NDST3: variants seen among roughly 807,000 people sequenced by gnomAD.
NDST3 encodes bifunctional heparan sulfate N-deacetylase/N-sulfotransferase 3.
In NDST3, 58 loss-of-function variants were observed where a neutral mutation model predicts 96.1. The observed-to-expected ratio is 0.60, with a 90% CI of 0.49 to 0.75. The LOEUF is 0.75. NDST3 is among the 30% of genes least tolerant of loss of function. The pLI is 0.00. For missense variants in NDST3, 788 were observed against 1,034.2 expected, an observed-to-expected ratio of 0.76 and a Z score of 3.27; for synonymous variants, 333 against 359.7, an observed-to-expected ratio of 0.93 and a Z score of 0.84.
intron 6 of NDST3, among the ~76,000 whole-genome samples, chr4:118,223,103 G>A (rs557823844): frequency 1.3e-5 from 2 of 151,952 alleles, no homozygotes; most frequent in East Asian, 1.9e-4. Flanking sequence ...GTGACCAGAA[G>A]TATCATTTTT....
At chr4:118,193,490 G>A in intron 6 of NDST3, 2 of 845,818 alleles carry the variant, frequency 2.4e-6, no homozygotes, top group South Asian at 3.0e-5. Context: ...ATTGTCTCCT[G>A]AGGAAGCCTC....
At chr4:118,241,364 C>A (rs1250774484) in intron 11 of NDST3, among the ~76,000 whole-genome samples, 1 of 152,218 alleles carries the variant, frequency 6.6e-6, no homozygotes, top group African/African-American at 2.4e-5. Flanking sequence ...ACAGAAAGTT[C>A]TATTGAACAG....
chr4:118,145,107 T>A (rs1006311616), intron 6 of NDST3, among the ~76,000 whole-genome samples: 10 of 152,214 alleles, frequency 6.6e-5, no homozygotes, highest in African/African-American at 2.2e-4. Context: ...AGAAATATAA[T>A]AACTCTTCTA....
intron 12 of NDST3, among the ~76,000 whole-genome samples, chr4:118,243,980 C>G (rs1741157160): frequency 6.6e-6 from 1 of 152,190 alleles, no homozygotes; most frequent in Admixed American, 6.6e-5. Context: ...ATATGATTCT[C>G]TAACCTGGTT....
chr4:118,244,272 C>T (rs1741174623), intron 12 of NDST3, among the ~76,000 whole-genome samples: 1 of 152,160 alleles, frequency 6.6e-6, no homozygotes, highest in Non-Finnish European at 1.5e-5. Flanking sequence ...TATCTGAAAC[C>T]TGTCTTCACA....
At chr4:118,082,602 TG>T (rs1173205735) in intron 2 of NDST3, among the ~76,000 whole-genome samples, 1 of 152,150 alleles carries the variant, frequency 6.6e-6, no homozygotes, top group Non-Finnish European at 1.5e-5. Flanking sequence ...TAAACAAAAT[TG>T]TTCTTTACTA....
In NDST3 at chr4:118,164,296, C is replaced by T. The variant is rs184739265; in HGVS notation, c.1539+20612C>T. On this transcript the variant is annotated intron_variant, in intron 6 of 13. Transcript: ENST00000296499. The stretch of plus-strand genomic sequence containing the variant: ...ATAAGTGGGAACTAAATGATGAGAA[C>T]ACATGGACACAAAGAGGGGAACAAC... 5.9e-5 allele frequency among the ~76,000 whole-genome samples: 9 copies of T among 152,228 alleles called. No homozygotes were observed. In the East Asian group the frequency reaches 1.7e-3, roughly 29 times the overall value.
At chr4:118,206,996 C>CAT (rs147498086) in intron 6 of NDST3, among the ~76,000 whole-genome samples, 1,803 of 141,664 alleles carry the variant, frequency 0.013, 228 homozygotes, top group African/African-American at 0.039. Context: ...AGAATTACAG[C>CAT]ATATATATAT....
At chr4:118,113,106 T>C (rs1730778657) in intron 3 of NDST3, among the ~76,000 whole-genome samples, 1 of 152,194 alleles carries the variant, frequency 6.6e-6, no homozygotes, top group Admixed American at 6.5e-5. Flanking sequence ...GCCAGAATTA[T>C]GTATACACTA....
intron 3 of NDST3, among the ~76,000 whole-genome samples, chr4:118,114,526 G>C (rs963744971): frequency 4.6e-5 from 7 of 152,142 alleles, no homozygotes; most frequent in African/African-American, 1.4e-4. Context: ...TGAAAGTTAA[G>C]AGTTCTAATA....
intron 4 of NDST3, among the ~76,000 whole-genome samples, chr4:118,128,116 T>C (rs1351649169): frequency 6.6e-6 from 1 of 152,040 alleles, no homozygotes; most frequent in Non-Finnish European, 1.5e-5. Context: ...AATATAAGAT[T>C]ATATCATTTG....
chr4:118,151,917 T>C (rs575103986), intron 6 of NDST3, among the ~76,000 whole-genome samples: 1 of 152,266 alleles, frequency 6.6e-6, no homozygotes, highest in Middle Eastern at 3.4e-3. Flanking sequence ...GCAGACTCTT[T>C]CAAAGTATTT....
At chr4:118,237,297 C>G (rs745464753) in intron 10 of NDST3, 77 bp downstream of exon 10, 1 of 1,157,134 alleles carries the variant, frequency 8.6e-7, no homozygotes, top group Non-Finnish European at 1.1e-6. Flanking sequence ...GCAATACCCA[C>G]TAGCTCAGGT....
chr4:118,152,632 T>C (rs1734473094), intron 6 of NDST3, among the ~76,000 whole-genome samples: 1 of 152,140 alleles, frequency 6.6e-6, no homozygotes, highest in Admixed American at 6.5e-5. Flanking sequence ...AAATGAGAAA[T>C]GCTAATATTA....
chr4:118,034,168 T>G (rs1724021763), upstream of NDST3, among the ~76,000 whole-genome samples: 1 of 152,210 alleles, frequency 6.6e-6, no homozygotes, highest in African/African-American at 2.4e-5. Context: ...CCTAAAAGTT[T>G]TTCATGGTGT....
chr4:118,226,220 G>C (rs1739871812), intron 7 of NDST3, among the ~76,000 whole-genome samples: 1 of 151,832 alleles, frequency 6.6e-6, no homozygotes, highest in African/African-American at 2.4e-5. Flanking sequence ...TAAAATGAAG[G>C]GTGTTCTAAA....
chr4:118,091,082 G>A (rs1471368902), intron 2 of NDST3, among the ~76,000 whole-genome samples: 1 of 151,440 alleles, frequency 6.6e-6, no homozygotes, highest in Admixed American at 6.6e-5. Flanking sequence ...CAAAAATGCT[G>A]TTAGAATATG....
chr4:118,080,823 T>C (rs554763854), intron 2 of NDST3, among the ~76,000 whole-genome samples: 1 of 152,324 alleles, frequency 6.6e-6, no homozygotes, highest in East Asian at 1.9e-4. Flanking sequence ...ACTGAGGACA[T>C]GAATTATTTT....
At chr4:118,224,828 A>G (rs1385816447) in intron 7 of NDST3, among the ~76,000 whole-genome samples, 155 bp downstream of exon 7, 2 of 152,176 alleles carry the variant, frequency 1.3e-5, no homozygotes, top group South Asian at 2.1e-4. Context: ...CTGTAGTTGT[A>G]TATCATTGCT....
Sources: allele counts gnomAD v4.1 joint callset (sites outside exome capture counted in the v4.1 genomes callset), GRCh38; gene constraint gnomAD v4.1.1; transcripts MANE v1.5; gene names NCBI Gene and HGNC (gene_info 2026-07-23, HGNC 2026-07-21).